Variants in CCNH observed in about 807,000 individuals in gnomAD.
CCNH encodes the protein cyclin-H.
A neutral mutation model predicts 41.9 loss-of-function variants in CCNH; 31 were observed. The observed-to-expected ratio is 0.74, with a 90% CI of 0.56 to 1.00. The LOEUF is 1.00. CCNH is among the 50% of genes least tolerant of loss of function. The pLI is 0.00. For synonymous variants in CCNH, 138 were observed against 136.1 expected, an observed-to-expected ratio of 1.01 and a Z score of -0.10; for missense variants, 362 against 388.4, an observed-to-expected ratio of 0.93 and a Z score of 0.57.
At chr5:87,321,002 C>G (rs1350956820) in intron 9 of CCNH, among the ~76,000 whole-genome samples, 2 of 152,130 alleles carry the variant, frequency 1.3e-5, no homozygotes, top group African/African-American at 4.8e-5. Flanking sequence ...TTGTACACTT[C>G]TGAGCTATTA....
At chr5:87,370,619 C>CACTT (rs1268001006) in intron 9 of CCNH, among the ~76,000 whole-genome samples, 3 of 152,082 alleles carry the variant, frequency 2.0e-5, no homozygotes, top group African/African-American at 7.2e-5. Context: ...AAGATCGAGA[C>CACTT]ACTGTAAGCC....
At chr5:87,332,692 A>G (rs763626181) in intron 9 of CCNH, 59 of 1,532,194 alleles carry the variant, frequency 3.9e-5, no homozygotes, top group Non-Finnish European at 5.0e-5. Context: ...TTTCAGTACA[A>G]TAATGGTTTT....
chr5:87,378,013 T>C (rs1173326868), upstream of CCNH, among the ~76,000 whole-genome samples: 1 of 152,242 alleles, frequency 6.6e-6, no homozygotes, highest in South Asian at 2.1e-4. Context: ...TTTTGTGTTA[T>C]ATCCTTAATT....
chr5:87,375,034 GAGA>G (rs2112487385), downstream of CCNH: 1 of 1,320,012 alleles, frequency 7.6e-7, no homozygotes, highest in Non-Finnish European at 1.0e-6. Flanking sequence ...AGTATAATTT[GAGA>G]TAGTTTCTTT....
At chr5:87,378,673 T>A, upstream of CCNH, 1 of 897,428 alleles carries the variant, frequency 1.1e-6, no homozygotes, top group Non-Finnish European at 1.7e-6. Flanking sequence ...CACCTGTCTG[T>A]AATACATTTA....
intron 7 of CCNH, among the ~76,000 whole-genome samples, chr5:87,395,320 T>A (rs1226830830): frequency 2.0e-5 from 3 of 152,092 alleles, no homozygotes; most frequent in African/African-American, 7.2e-5. Flanking sequence ...CCTAATAAAA[T>A]TTTTCATGGA....
intron 9 of CCNH, among the ~76,000 whole-genome samples, chr5:87,363,086 G>A (rs1162312636): frequency 6.6e-6 from 1 of 151,668 alleles, no homozygotes; most frequent in African/African-American, 2.4e-5. Context: ...CAAGAATTCT[G>A]ACAATTTCAT....
At chr5:87,388,449 T>G (rs1310814936), downstream of CCNH, among the ~76,000 whole-genome samples, 1 of 152,204 alleles carries the variant, frequency 6.6e-6, no homozygotes, top group African/African-American at 2.4e-5. Flanking sequence ...CCAAAACTTG[T>G]TGAGCACCAA....
At chr5:87,378,442 G>A, upstream of CCNH, 1 of 1,612,736 alleles carries the variant, frequency 6.2e-7, no homozygotes, top group Non-Finnish European at 8.5e-7. Context: ...CAAGCACCTT[G>A]ATGGAGCAGT....
chr5:87,405,274 T>G (rs1396553518), intron 4 of CCNH, among the ~76,000 whole-genome samples: 2 of 152,188 alleles, frequency 1.3e-5, no homozygotes, highest in Admixed American at 6.5e-5. Context: ...AGGTAAATGC[T>G]TCTCTCAGGC....
chr5:87,387,606 C>T (rs1233119917), downstream of CCNH, among the ~76,000 whole-genome samples: 1 of 151,940 alleles, frequency 6.6e-6, no homozygotes, highest in Non-Finnish European at 1.5e-5. Context: ...TAAGGCATGG[C>T]ATTAGGGAGT....
chr5:87,354,839 G>A (rs1759532735), intron 9 of CCNH, among the ~76,000 whole-genome samples: 1 of 152,144 alleles, frequency 6.6e-6, no homozygotes, highest in Admixed American at 6.6e-5. Context: ...GATTAATAAA[G>A]TGAAACACCC....
rs1289758063 is a variant in CCNH at position 87,383,926 on chromosome 5, T to TTG, written c.*90+8843_*90+8844insCA. 2.2e-5 allele frequency: 16 copies of TTG among 725,754 alleles called. No homozygotes were observed. In the East Asian group the frequency reaches 4.4e-4, roughly 20 times the overall value. The allele number at this position is 725,754 out of a possible 1,614,324, so 45.0% of individuals were successfully genotyped here. On this transcript the variant is annotated intron_variant and NMD_transcript_variant, in intron 9 of 9. Transcript: ENST00000645953. Reference sequence around the variant, plus strand: ...ATGAAGTATTCCAAAGCACCCTTCCTTCCTTGTGCTTGTGCTTCTTGGGCT... The same window carrying TTG: ...ATGAAGTATTCCAAAGCACCCTTCCTTGTCCTTGTGCTTGTGCTTCTTGGGCT...
Position 87,409,060 on chromosome 5 carries a change from G to A in CCNH, c.314+230C>T, listed in dbSNP as rs3093788. On this transcript the variant is annotated intron_variant, in intron 3 of 8. Coordinates refer to ENST00000256897, the MANE Select transcript of CCNH (RefSeq NM_001239.4). ...AGCTAATTTGAGAAAAACAAAATTT[G>A]AATCTGGACAAGCTGAAGTTCACAT... is the stretch of plus-strand genomic sequence containing the variant. The A allele has an allele frequency of 6.7e-3, 2,119 of 314,336 alleles. 32 individuals are homozygous for A. The highest frequency in any genetic ancestry group is 0.041 in the African/African-American group (1,908 of 46,398). 19.5% of individuals were successfully genotyped at this position (314,336 alleles called of 1,614,324 possible). A position where few individuals can be genotyped will look rare whatever the true frequency, so the allele number is the denominator to read the frequency against.
At chr5:87,316,684 C>A (rs1459611514), downstream of CCNH, among the ~76,000 whole-genome samples, 1 of 152,134 alleles carries the variant, frequency 6.6e-6, no homozygotes, top group Non-Finnish European at 1.5e-5. Context: ...CCTCAGCATC[C>A]CTGTTTTGGG....
chr5:87,377,253 A>G (rs1761389716), upstream of CCNH: 3 of 610,672 alleles, frequency 4.9e-6, no homozygotes, highest in South Asian at 1.9e-5. Context: ...GTTTTGGCAG[A>G]TAAGTACTAG....
At chr5:87,362,851 AT>A (rs1263912805) in intron 9 of CCNH, among the ~76,000 whole-genome samples, 1 of 150,752 alleles carries the variant, frequency 6.6e-6, no homozygotes, top group Admixed American at 6.6e-5. Flanking sequence ...AAAAGTCTAC[AT>A]TTTCAACCAG....
At chr5:87,387,591 A>G (rs540936954), downstream of CCNH, among the ~76,000 whole-genome samples, 3 of 152,250 alleles carry the variant, frequency 2.0e-5, no homozygotes, top group East Asian at 5.8e-4. Flanking sequence ...GAATAGAGCC[A>G]GGTGTAAGGC....
chr5:87,402,607 T>C (rs1224044906), intron 5 of CCNH, among the ~76,000 whole-genome samples: 2 of 152,210 alleles, frequency 1.3e-5, no homozygotes, highest in Non-Finnish European at 2.9e-5. Flanking sequence ...TGTTGCTGTC[T>C]TTATCCAGAT....
Sources: allele counts gnomAD v4.1 joint callset (sites outside exome capture counted in the v4.1 genomes callset), GRCh38; gene constraint gnomAD v4.1.1; transcripts MANE v1.5; gene names NCBI Gene and HGNC (gene_info 2026-07-23, HGNC 2026-07-21).